Variants in TMEM114 observed in about 807,000 individuals in gnomAD.
TMEM114 encodes transmembrane protein 114.
Under a neutral mutation model 6.2 loss-of-function variants are expected in TMEM114, and 6 were observed. That is an observed-to-expected ratio of 0.97 (90% CI 0.53 to 1.91). The LOEUF is 1.91. Ranked by LOEUF, TMEM114 falls within the 40% of genes most tolerant of loss-of-function variation. The pLI, the probability that TMEM114 is intolerant of heterozygous loss-of-function variation, is 0.01. For synonymous variants in TMEM114, 104 were observed against 73.0 expected (o/e 1.42, Z -2.16); for missense variants, 218 against 158.3 (o/e 1.38, Z -2.02).
chr16:8,556,615 C>G (rs1349623257), intron 2 of TMEM114, among the ~76,000 whole-genome samples: 1 of 152,098 alleles, frequency 6.6e-6, no homozygotes, highest in Non-Finnish European at 1.5e-5. Flanking sequence ...GATTCTCCTG[C>G]CCCAGCCTCC....
chr16:8,559,556 G>T (rs1231268842), intron 2 of TMEM114, among the ~76,000 whole-genome samples: 1 of 152,240 alleles, frequency 6.6e-6, no homozygotes, highest in Non-Finnish European at 1.5e-5. Context: ...GGTGGAAGCG[G>T]ATAGGGGAGT....
downstream of TMEM114, among the ~76,000 whole-genome samples, chr16:8,536,778 A>G (rs899429229): frequency 3.9e-5 from 6 of 152,174 alleles, no homozygotes; most frequent in Non-Finnish European, 7.3e-5. Flanking sequence ...ACTGGGAATC[A>G]CCACTGTTCA....
At chr16:8,558,191 T>A (rs1280264705) in intron 2 of TMEM114, among the ~76,000 whole-genome samples, 1 of 152,068 alleles carries the variant, frequency 6.6e-6, no homozygotes, top group African/African-American at 2.4e-5. Flanking sequence ...AAGCAGATGT[T>A]GCAGTGAGCA....
intron 2 of TMEM114, among the ~76,000 whole-genome samples, chr16:8,583,222 T>G (rs1319331024): frequency 6.6e-6 from 1 of 152,218 alleles, no homozygotes; most frequent in African/African-American, 2.4e-5. Context: ...GTACTGGGGA[T>G]GAAATCAATA....
In TMEM114 at chr16:8,553,413, G is replaced by C. The variant is rs142195084; in HGVS notation, n.213-15587C>G. ...ATTCAAGGACTTGAATCTTTTTTTG[G>C]GGGGACTGAGTCTCACTCTGTTGCC... On this transcript the variant is annotated intron_variant and non_coding_transcript_variant, in intron 2 of 2. Coordinates refer to the TMEM114 transcript ENST00000623677. 1.1e-3 allele frequency among the ~76,000 whole-genome samples: 165 copies of C among 152,234 alleles called. 5 individuals carry two copies. The East Asian group carries it at 0.03, about 28-fold the overall frequency.
chr16:8,530,231 T>C, the TMEM114 span, among the ~76,000 whole-genome samples: 4 of 152,166 alleles, frequency 2.6e-5, no homozygotes, highest in South Asian at 6.2e-4. Context: ...GAAAACTCAC[T>C]CTCAGCAAAG....
In TMEM114 at chr16:8,569,672, C is replaced by G; in HGVS notation, c.*101G>C. On this transcript the variant is annotated 3_prime_UTR_variant, in exon 4 of 4. Transcript: ENST00000620492. Reference sequence around the variant, plus strand: ...GAAGGAGGGGGGTGCCTGGCCTCCCCGAGTGGCCTTTGAGGAAGAAGAGGC... The same window carrying G: ...GAAGGAGGGGGGTGCCTGGCCTCCCGGAGTGGCCTTTGAGGAAGAAGAGGC... 1 of 1,446,984 alleles carries G rather than the reference C, an allele frequency of 6.9e-7. No homozygotes were observed. The highest frequency in any genetic ancestry group is 9.1e-7 in the Non-Finnish European group (1 of 1,102,886). 89.6% of individuals were successfully genotyped at this position (1,446,984 alleles called of 1,614,324 possible).
intron 2 of TMEM114, among the ~76,000 whole-genome samples, chr16:8,579,946 C>G (rs1411203663): frequency 6.6e-6 from 1 of 152,076 alleles, no homozygotes; most frequent in Non-Finnish European, 1.5e-5. Context: ...CAGCTGAGAC[C>G]TGGAGGCGAG....
chr16:8,563,175 G>C (rs1252294780), intron 2 of TMEM114, among the ~76,000 whole-genome samples: 3 of 149,434 alleles, frequency 2.0e-5, no homozygotes, highest in Admixed American at 1.3e-4. Flanking sequence ...GTGAGTAAAT[G>C]AGTGAGTGAA....
chr16:8,535,267 T>C (rs562635824), downstream of TMEM114, among the ~76,000 whole-genome samples: 5 of 152,334 alleles, frequency 3.3e-5, no homozygotes, highest in African/African-American at 4.8e-5. Flanking sequence ...AAGGTGTTGA[T>C]GGTTATTGTT....
At chr16:8,536,202 G>C (rs890943582), downstream of TMEM114, among the ~76,000 whole-genome samples, 1 of 150,702 alleles carries the variant, frequency 6.6e-6, no homozygotes, top group African/African-American at 2.5e-5. Flanking sequence ...TCCAGCCTGG[G>C]TGACAGAGCG....
At chr16:8,565,076 A>G (rs1596481618), downstream of TMEM114, among the ~76,000 whole-genome samples, 1 of 152,182 alleles carries the variant, frequency 6.6e-6, no homozygotes, top group Admixed American at 6.5e-5. Context: ...TGAGTGAGTG[A>G]GTGAATGAGT....
intron 1 of TMEM114, 105 bp downstream of exon 1, chr16:8,589,514 G>A: frequency 2.5e-6 from 1 of 398,282 alleles, no homozygotes. Context: ...TGTATTTTAG[G>A]GACTTGGGGG....
chr16:8,544,602 C>G (rs1395521279), intron 2 of TMEM114, among the ~76,000 whole-genome samples: 1 of 152,178 alleles, frequency 6.6e-6, no homozygotes, highest in Non-Finnish European at 1.5e-5. Flanking sequence ...CTCTTAGGAA[C>G]AGACGTTGCT....
chr16:8,565,280 C>A (rs534687005), downstream of TMEM114, among the ~76,000 whole-genome samples: 1 of 152,106 alleles, frequency 6.6e-6, no homozygotes, highest in African/African-American at 2.4e-5. Context: ...TGAACAAAGA[C>A]TGAATGCGTG....
intron 2 of TMEM114, among the ~76,000 whole-genome samples, chr16:8,588,205 T>G (rs1902374305): frequency 6.6e-6 from 1 of 151,532 alleles, no homozygotes; most frequent in South Asian, 2.1e-4. Context: ...GAGAATCGCT[T>G]GAACCTGGGA....
chr16:8,535,169 C>T (rs554911512), downstream of TMEM114, among the ~76,000 whole-genome samples: 114 of 152,256 alleles, frequency 7.5e-4, no homozygotes, highest in African/African-American at 2.7e-3. Flanking sequence ...TATATTGGAA[C>T]CACATACTTC....
chr16:8,550,092 C>G (rs969283415), intron 2 of TMEM114, among the ~76,000 whole-genome samples: 1 of 152,174 alleles, frequency 6.6e-6, no homozygotes, highest in African/African-American at 2.4e-5. Flanking sequence ...AGGAAGCATC[C>G]ATCATGGGAG....
downstream of TMEM114, among the ~76,000 whole-genome samples, chr16:8,566,376 C>CAAA (rs71150401): frequency 0.61 from 87,013 of 142,670 alleles, 27,366 homozygotes; most frequent in East Asian, 0.73. Flanking sequence ...GACGCAGTCT[C>CAAA]AAAAAAAAAA....
Sources: gnomAD v4.1 joint callset for allele counts (sites outside exome capture counted in the v4.1 genomes callset) on GRCh38, gnomAD v4.1.1 for gene constraint, MANE v1.5 for transcripts, NCBI Gene and HGNC (gene_info 2026-07-23, HGNC 2026-07-21) for gene names.